FREM2: variants seen among roughly 807,000 people sequenced by gnomAD.
FREM2 encodes FRAS1 related extracellular matrix 2.
A neutral mutation model predicts 219.9 loss-of-function variants in FREM2; 119 were observed. The observed-to-expected ratio is 0.54, with a 90% confidence interval of 0.47 to 0.63. FREM2 has a LOEUF of 0.63. Among genes scored for constraint, FREM2 ranks in the 30% least tolerant of loss-of-function variants. The probability of loss-of-function intolerance (pLI) is 0.00; values close to 1 mark genes in which losing one functional copy is unlikely to be tolerated. For synonymous variants in FREM2, 1,562 were observed against 1,522.8 expected (o/e 1.03, Z -0.60); for missense variants, 4,030 against 3,993.6 (o/e 1.01, Z -0.25).
intron 2 of FREM2, 141 bp from the exon 3 acceptor site, chr13:38,764,163 A>G (rs1172426773): frequency 6.0e-6 from 4 of 661,994 alleles, no homozygotes; most frequent in Non-Finnish European, 8.2e-6. Flanking sequence ...CTGTATCTCC[A>G]TGTACATATT....
intron 2 of FREM2, among the ~76,000 whole-genome samples, chr13:38,754,981 C>A (rs147697415): frequency 4.0e-4 from 61 of 151,572 alleles, no homozygotes; most frequent in African/African-American, 1.4e-3. Context: ...CAGCTCACTG[C>A]AACCTCTGCC....
At chr13:38,692,991 A>G (rs1463917132) in intron 1 of FREM2, among the ~76,000 whole-genome samples, 1 of 152,246 alleles carries the variant, frequency 6.6e-6, no homozygotes, top group Non-Finnish European at 1.5e-5. Context: ...AATAAATTTT[A>G]AGAGCATTGC....
In FREM2 at chr13:38,687,774, C is replaced by A. The variant is rs1266206464; in HGVS notation, c.430C>A (p.Arg144Ser). Reference sequence around the variant, plus strand: ...GGTGCGCTACTCTCACCTGGGCGCGCGCAGCCCGTCTCGGGACCGCGTCCG... The same window carrying A: ...GGTGCGCTACTCTCACCTGGGCGCGAGCAGCCCGTCTCGGGACCGCGTCCG... The part of the protein sequence containing the change: ...GEVRYSHLGA[R>S]SPSRDRVRLQ... The change falls in exon 1 of 24, where the codon CGC becomes AGC. Residue 144 changes from arginine (R) to serine (S), a missense_variant. This residue lies in a region of FREM2 where 3,102 missense variants were observed against 2,950.7 expected (regional missense o/e 1.05). Coordinates refer to ENST00000280481, the MANE Select transcript of FREM2 (RefSeq NM_207361.6). 6.5e-7 allele frequency: 1 copy of A among 1,537,962 alleles called. No homozygotes were observed. The highest frequency in any genetic ancestry group is 1.3e-5 in the South Asian group (1 of 78,974).
chr13:38,759,394 G>A (rs1873141369), intron 2 of FREM2, among the ~76,000 whole-genome samples: 1 of 151,904 alleles, frequency 6.6e-6, no homozygotes, highest in South Asian at 2.1e-4. Flanking sequence ...TAGAGAGATC[G>A]GGCAGCCCTG....
At chr13:38,878,403 G>C in intron 22 of FREM2, 82 bp downstream of exon 22, 1 of 885,858 alleles carries the variant, frequency 1.1e-6, no homozygotes, top group Non-Finnish European at 1.8e-6. Flanking sequence ...AACAAGGCTG[G>C]GCACAGTGGC....
At position 38,859,553 on chromosome 13, in the gene FREM2, G is replaced by A. The variant is rs757205844; in HGVS notation, c.7482G>A (p.Glu2494=). The A allele has an allele frequency of 1.2e-6, 2 of 1,614,032 alleles. No homozygotes were observed. Among genetic ancestry groups the A allele is most frequent in the Non-Finnish European group, 1.7e-6 (2 of 1,180,000 alleles). ...ACACCAATGGGGATGAAGGCCTGGA[G>A]CTCATGAGCCCTATTGTAACCATCA... ...AVNTNGDEGL[E]LMSPIVTISR... Residue 2494 remains glutamate (E), a synonymous_variant, in exon 14 of 24, where the codon GAG becomes GAA. Transcript: ENST00000280481.
At chr13:38,873,056 TC>T (rs747860875) in intron 17 of FREM2, 122 bp downstream of exon 17, 98 of 795,804 alleles carry the variant, frequency 1.2e-4, no homozygotes, top group Non-Finnish European at 1.7e-4. Context: ...TCATTTTCTA[TC>T]TATAATAAGA....
At chr13:38,799,990 C>A (rs148410732) in intron 6 of FREM2, among the ~76,000 whole-genome samples, 2 of 152,000 alleles carry the variant, frequency 1.3e-5, no homozygotes, top group Admixed American at 6.6e-5. Context: ...TTGATATATG[C>A]GACTTTGTTA....
intron 11 of FREM2, among the ~76,000 whole-genome samples, chr13:38,852,704 C>CTT (rs369947598): frequency 3.9e-4 from 51 of 131,376 alleles, no homozygotes; most frequent in South Asian, 1.0e-3. Context: ...ATGTCACCAT[C>CTT]TTTTTTTTTT....
Position 38,816,942 on chromosome 13 carries a change from A to C in FREM2, c.6020-29631A>C, listed in dbSNP as rs940810077. 3.9e-5 allele frequency among the ~76,000 whole-genome samples: 6 copies of C among 152,264 alleles called. No homozygotes were observed. The East Asian group carries it at 7.7e-4, about 20-fold the overall frequency. ...ATGCTCTTAGTGAACTATCTGAAAA[A>C]GAAATCAAGAAAACAGTTTCATTTA... On this transcript the variant is annotated intron_variant, in intron 6 of 23. Transcript: ENST00000280481.
intron 2 of FREM2, among the ~76,000 whole-genome samples, chr13:38,704,995 G>A (rs1870483227): frequency 6.6e-6 from 1 of 152,048 alleles, no homozygotes; most frequent in Non-Finnish European, 1.5e-5. Context: ...TCGACACATG[G>A]GAATTCCAAT....
intron 4 of FREM2, among the ~76,000 whole-genome samples, chr13:38,775,113 CA>C (rs1873818858): frequency 6.6e-6 from 1 of 152,082 alleles, no homozygotes; most frequent in Non-Finnish European, 1.5e-5. Flanking sequence ...AAAGAAAAGA[CA>C]AAAATCTGTA....
At chr13:38,743,537 T>C (rs559833087) in intron 2 of FREM2, among the ~76,000 whole-genome samples, 1 of 152,222 alleles carries the variant, frequency 6.6e-6, no homozygotes, top group African/African-American at 2.4e-5. Flanking sequence ...AAAAAATCTA[T>C]TTTAAAGCAA....
intron 2 of FREM2, among the ~76,000 whole-genome samples, chr13:38,757,354 C>T (rs1414386363): frequency 6.6e-6 from 1 of 152,154 alleles, no homozygotes; most frequent in East Asian, 1.9e-4. Flanking sequence ...CTGGCCGTTG[C>T]TTGTCTGAAT....
chr13:38,880,640 G>T lies in FREM2; in HGVS notation c.9363G>T (p.Gly3121=). The change falls in exon 24 of 24, where the codon GGG becomes GGT. Residue 3121 remains glycine, a synonymous_variant. Transcript: ENST00000280481. ...CTGTGGTGGGAGGCACCACGGTAGGGTTACTCACCATCTGCCTCACTGTCA... is the reference window on the plus strand; with the variant it reads ...CTGTGGTGGGAGGCACCACGGTAGGTTTACTCACCATCTGCCTCACTGTCA... ...LVTVVGGTTV[G]LLTICLTVIA... is the part of the protein sequence containing the mutation. 1.2e-6 allele frequency: 2 copies of T among 1,614,134 alleles called. No homozygotes were observed. The highest frequency in any genetic ancestry group is 1.7e-6 in the Non-Finnish European group (2 of 1,179,996).
At chr13:38,725,254 A>G (rs1871468463) in intron 2 of FREM2, among the ~76,000 whole-genome samples, 2 of 152,228 alleles carry the variant, frequency 1.3e-5, no homozygotes, top group Admixed American at 1.3e-4. Context: ...ATTTAGAACA[A>G]TGAAGAAAAA....
At position 38,784,635 on chromosome 13, in the gene FREM2, T is replaced by C. The variant is rs1593406252; in HGVS notation, c.5846T>C (p.Val1949Ala). 6.8e-6 allele frequency: 11 copies of C among 1,614,202 alleles called. No individual in the cohort carries two copies. In the East Asian group the frequency reaches 2.5e-4, roughly 36 times the overall value. ...YISRPEDHTS[V>A]VRFDKDEREK... ...TCCAGGCCTGAGGACCACACCAGTG[T>C]TGTCCGCTTTGACAAAGATGAACGG... The change falls in exon 6 of 24, where the codon GTT (valine) becomes GCT (alanine). Residue 1949 changes from valine (V) to alanine (A), a missense_variant. This residue lies in a region of FREM2 where 3,102 missense variants were observed against 2,950.7 expected (regional missense o/e 1.05). Coordinates refer to ENST00000280481, the MANE Select transcript of FREM2 (RefSeq NM_207361.6).
In FREM2 at chr13:38,880,816, G is replaced by GT; in HGVS notation, c.*30dup. 1 of 1,613,124 alleles carries GT rather than the reference G, an allele frequency of 6.2e-7. No homozygotes were observed. The highest frequency in any genetic ancestry group is 2.2e-5 in the East Asian group (1 of 44,860). ...CTGCAGGTAGAATTCAACCTTTTCCGTAAGTGCCTCGGAAAAGATCACAAT... is the reference window on the plus strand; with the variant it reads ...CTGCAGGTAGAATTCAACCTTTTCCGTTAAGTGCCTCGGAAAAGATCACAAT... On this transcript the variant is annotated 3_prime_UTR_variant, in exon 24 of 24. Transcript: ENST00000280481.
In FREM2 at chr13:38,687,370, T is replaced by C. The variant is rs761124370; in HGVS notation, c.26T>C (p.Leu9Ser). The change falls in exon 1 of 24, where the codon TTA (leucine) becomes TCA (serine). Residue 9 changes from leucine to serine, a missense_variant. This residue lies in a region of FREM2 where 3,102 missense variants were observed against 2,950.7 expected (regional missense o/e 1.05). Transcript: ENST00000280481. ...ATGCACTCAGCCGGGACTCCCGGGT[T>C]ATCCTCGCGCCGGACAGGCAACTCC... is the stretch of plus-strand genomic sequence containing the variant. MHSAGTPG[L>S]SSRRTGNSTS... The C allele has an allele frequency of 2.6e-5, 42 of 1,608,486 alleles. No individual in the cohort carries two copies. Among genetic ancestry groups the C allele is most frequent in the Non-Finnish European group, 3.4e-5 (40 of 1,177,866 alleles).
Sources: allele counts gnomAD v4.1 joint callset (sites outside exome capture counted in the v4.1 genomes callset), GRCh38; gene constraint gnomAD v4.1.1; regional missense constraint gnomAD v4.1.1; transcripts MANE v1.5; gene names NCBI Gene and HGNC (gene_info 2026-07-23, HGNC 2026-07-21).